IL27RA: variants seen among roughly 807,000 people sequenced by gnomAD.
IL27RA encodes the protein interleukin 27 receptor subunit alpha.
In IL27RA, 61 loss-of-function variants were observed where a neutral mutation model predicts 80.8. The ratio of observed to expected loss-of-function variants is 0.76; its 90% CI spans 0.61 to 0.93. The LOEUF (loss-of-function observed/expected upper bound fraction) is 0.93. Among genes scored for constraint, IL27RA ranks in the 40% least tolerant of loss-of-function variants. IL27RA has a pLI of 0.00. For synonymous variants in IL27RA, 316 were observed against 332.5 expected, an observed-to-expected ratio of 0.95 and a Z score of 0.54; for missense variants, 735 against 808.1, an observed-to-expected ratio of 0.91 and a Z score of 1.10.
At chr19:14,045,142 C>T (rs963818330) in intron 6 of IL27RA, among the ~76,000 whole-genome samples, 8 of 147,424 alleles carry the variant, frequency 5.4e-5, no homozygotes, top group Admixed American at 2.0e-4. Flanking sequence ...AAAAAATTAG[C>T]GGGGTGTGGT....
chr19:14,031,833 C>T lies in IL27RA; in HGVS notation c.-40C>T, dbSNP rs756066420. On this transcript the variant is annotated 5_prime_UTR_variant, in exon 1 of 14. Coordinates refer to ENST00000263379, the MANE Select transcript of IL27RA (RefSeq NM_004843.4). ...GAGGAGCAGCGCGGCCGCGCGGACCCGGCAAGGCTGGGCCGGACTCGGGGC... is the reference window on the plus strand; with the variant it reads ...GAGGAGCAGCGCGGCCGCGCGGACCTGGCAAGGCTGGGCCGGACTCGGGGC... The T allele has an allele frequency of 4.6e-6, 7 of 1,527,938 alleles. No individual in the cohort carries two copies. The highest frequency in any genetic ancestry group is 2.4e-5 in the South Asian group (2 of 84,316). The allele number at this position is 1,527,938 out of a possible 1,614,324, so 94.6% of individuals were successfully genotyped here.
Position 14,051,961 on chromosome 19 carries a change from GC to G in IL27RA, c.1708del (p.His570ThrfsTer98). On this transcript the variant is annotated frameshift_variant, in exon 13 of 14. Coordinates refer to ENST00000263379, the MANE Select transcript of IL27RA (RefSeq NM_004843.4). LOFTEE classifies it low-confidence loss of function (END_TRUNC). ...PDPANSSSGQ[P>X]HMEQVPEAQP... The stretch of plus-strand genomic sequence containing the variant: ...ATCCTGCCAACAGCAGTTCAGGCCA[GC>G]CCCACATGGAGGTGAGTCAAAGGGC... The G allele has an allele frequency of 6.3e-7, 1 of 1,585,390 alleles. No homozygotes were observed. Among genetic ancestry groups the G allele is most frequent in the Non-Finnish European group, 8.6e-7 (1 of 1,164,720 alleles).
At chr19:14,037,154 A>C (rs957432819) in intron 2 of IL27RA, among the ~76,000 whole-genome samples, 4 of 151,756 alleles carry the variant, frequency 2.6e-5, no homozygotes, top group Non-Finnish European at 5.9e-5. Flanking sequence ...TGATCCATAC[A>C]TCTGGTGATG....
intron 2 of IL27RA, among the ~76,000 whole-genome samples, chr19:14,038,448 C>T (rs746247142): frequency 7.2e-5 from 11 of 151,744 alleles, no homozygotes; most frequent in Non-Finnish European, 2.9e-5. Flanking sequence ...CATTGTGATG[C>T]ACACCTGTTA....
At chr19:14,032,039 C>G (rs1233123350) in intron 1 of IL27RA, 67 bp downstream of exon 1, 2 of 1,352,136 alleles carry the variant, frequency 1.5e-6, no homozygotes, top group African/African-American at 2.9e-5. Context: ...CGCCAGTGCT[C>G]CAGGATAAGC....
chr19:14,045,623 T>C (rs1473944709), intron 6 of IL27RA, among the ~76,000 whole-genome samples: 1 of 151,358 alleles, frequency 6.6e-6, no homozygotes, highest in Non-Finnish European at 1.5e-5. Context: ...AAAGTTGATA[T>C]TTTGTTTGTC....
chr19:14,049,943 C>T (rs553808193), intron 10 of IL27RA, among the ~76,000 whole-genome samples: 1 of 151,628 alleles, frequency 6.6e-6, no homozygotes, highest in Non-Finnish European at 1.5e-5. Context: ...AATCCCAGCA[C>T]TTTGGGAGGC....
Position 14,048,904 on chromosome 19 carries a change from C to A in IL27RA, c.1142-77C>A, listed in dbSNP as rs990750100. ...TTATCTCAGGGTGTCCTTCTGGGGA[C>A]CCCAGTGAAGACACCTAGGAAATGA... On this transcript the variant is annotated intron_variant, in intron 8 of 13. Coordinates refer to ENST00000263379, the MANE Select transcript of IL27RA (RefSeq NM_004843.4). 4 of 1,243,112 alleles carry A rather than the reference C, an allele frequency of 3.2e-6. No homozygotes were observed. The Admixed American group carries it at 7.2e-5, about 22-fold the overall frequency. The allele number at this position is 1,243,112 out of a possible 1,614,324, so 77.0% of individuals were successfully genotyped here.
Position 14,052,603 on chromosome 19 carries a change from C to T in IL27RA, c.*313C>T, listed in dbSNP as rs1306982281. The T allele has an allele frequency of 1.9e-5, 5 of 265,708 alleles. No homozygotes were observed. The highest frequency in any genetic ancestry group is 1.4e-4 in the South Asian group (1 of 7,384). The allele number at this position is 265,708 out of a possible 1,614,324, so 16.5% of individuals were successfully genotyped here. On this transcript the variant is annotated 3_prime_UTR_variant, in exon 14 of 14. Transcript: ENST00000263379. ...ATTTGGACCCCAGCACAGTGGCTCACGCCTGTAATCCCAGCACTTTGGCAG... is the reference window on the plus strand; with the variant it reads ...ATTTGGACCCCAGCACAGTGGCTCATGCCTGTAATCCCAGCACTTTGGCAG...
chr19:14,046,047 A>G, intron 6 of IL27RA, 107 bp from the exon 7 acceptor site: 1 of 1,104,224 alleles, frequency 9.1e-7, no homozygotes, highest in Admixed American at 2.3e-5. Flanking sequence ...AAACAAACAA[A>G]CAAAAAATGC....
Position 14,040,492 on chromosome 19 carries a change from C to T in IL27RA, c.534+582C>T, listed in dbSNP as rs182973404. Among the ~76,000 whole-genome samples the T allele has an allele frequency of 2.3e-3, 354 of 152,160 alleles. 2 individuals carry two copies. Among genetic ancestry groups the T allele is most frequent in the African/African-American group, 8.2e-3 (340 of 41,532 alleles). On this transcript the variant is annotated intron_variant, in intron 4 of 13. Coordinates refer to ENST00000263379, the MANE Select transcript of IL27RA (RefSeq NM_004843.4). Reference sequence around the variant, plus strand: ...TTGAGGTCAAGAGTTTGAGACCAGCCTGGGCAGGATAGCAAGACTCGTCTC... The same window carrying T: ...TTGAGGTCAAGAGTTTGAGACCAGCTTGGGCAGGATAGCAAGACTCGTCTC...
In IL27RA at chr19:14,046,028, A is replaced by AAAAC. The variant is rs149367806; in HGVS notation, c.769-106_769-103dup. On this transcript the variant is annotated intron_variant, in intron 6 of 13. Coordinates refer to ENST00000263379, the MANE Select transcript of IL27RA (RefSeq NM_004843.4). Reference sequence around the variant, plus strand: ...TAACAGAATGAAGACTCCGTCTCAAAAAACAAACAAACAAACAAACAAAAA... The same window carrying AAAAC: ...TAACAGAATGAAGACTCCGTCTCAAAAAACAAACAAACAAACAAACAAACAAAAA... 375 of 929,366 alleles carry AAAAC rather than the reference A, an allele frequency of 4.0e-4. 4 individuals carry two copies. In the East Asian group the frequency reaches 8.3e-3, roughly 21 times the overall value. 57.6% of individuals were successfully genotyped at this position (929,366 alleles called of 1,614,324 possible).
intron 11 of IL27RA, among the ~76,000 whole-genome samples, chr19:14,051,311 G>A (rs187609444): frequency 4.6e-5 from 7 of 152,080 alleles, no homozygotes; most frequent in Non-Finnish European, 8.8e-5. Flanking sequence ...TTGGGAGGCC[G>A]AGGCGGGTGG....
chr19:14,034,021 G>A (rs936028248), intron 2 of IL27RA, among the ~76,000 whole-genome samples: 1 of 152,142 alleles, frequency 6.6e-6, no homozygotes, highest in Middle Eastern at 3.2e-3. Context: ...TGCCTCCGAA[G>A]GTTAAGTCTG....
chr19:14,051,894 G>A lies in IL27RA; in HGVS notation c.1637G>A (p.Arg546Lys), dbSNP rs560733137. The change falls in exon 13 of 14, where the codon AGG becomes AAG. Residue 546 changes from arginine (R) to lysine (K), a missense_variant. Coordinates refer to ENST00000263379, the MANE Select transcript of IL27RA (RefSeq NM_004843.4). ...TGTCTTGCCAGGTGCTACCACCTAA[G>A]GCACAAAGTGCTGCCCCGCTGGGTC... ...LATSGRCYHL[R>K]HKVLPRWVWE... 6.3e-7 allele frequency: 1 copy of A among 1,582,270 alleles called. No homozygotes were observed. The highest frequency in any genetic ancestry group is 1.3e-5 in the African/African-American group (1 of 74,442).
intron 2 of IL27RA, among the ~76,000 whole-genome samples, chr19:14,035,020 G>T (rs921642759): frequency 2.0e-5 from 3 of 151,854 alleles, no homozygotes; most frequent in Non-Finnish European, 4.4e-5. Flanking sequence ...TGGGAACAGG[G>T]TCTTACTCCT....
intron 8 of IL27RA, among the ~76,000 whole-genome samples, chr19:14,048,547 A>G (rs1734729082): frequency 6.6e-6 from 1 of 152,148 alleles, no homozygotes; most frequent in South Asian, 2.1e-4. Context: ...CCTCTCTCCC[A>G]GCTGCCCACA....
At chr19:14,033,647 A>C (rs1975854030) in intron 2 of IL27RA, among the ~76,000 whole-genome samples, 1 of 150,578 alleles carries the variant, frequency 6.6e-6, no homozygotes, top group Admixed American at 6.6e-5. Context: ...CCTGGGTGAC[A>C]GAGTGAGACT....
At chr19:14,046,675 G>A (rs1336512172) in intron 8 of IL27RA, 57 bp downstream of exon 8, 31 of 1,465,714 alleles carry the variant, frequency 2.1e-5, no homozygotes, top group Non-Finnish European at 2.7e-5. Context: ...ACGGATGGGT[G>A]GACTTGTAAG....
Sources: gnomAD v4.1 joint callset for allele counts (sites outside exome capture counted in the v4.1 genomes callset) on GRCh38, gnomAD v4.1.1 for gene constraint, MANE v1.5 for transcripts, NCBI Gene and HGNC (gene_info 2026-07-23, HGNC 2026-07-21) for gene names.